Variants in AIDA observed in about 807,000 individuals in gnomAD.
AIDA encodes axin interactor, dorsalization-associated protein.
Under a neutral mutation model 42.7 loss-of-function variants are expected in AIDA, and 18 were observed. The observed-to-expected ratio is 0.42, with a 90% CI of 0.29 to 0.63. The LOEUF is 0.63. Among genes scored for constraint, AIDA ranks in the 20% least tolerant of loss-of-function variants. The probability of loss-of-function intolerance (pLI) is 0.19; values close to 1 mark genes in which losing one functional copy is unlikely to be tolerated. For missense variants in AIDA, 250 were observed against 354.1 expected (o/e 0.71, Z 2.36); for synonymous variants, 104 against 122.9 (o/e 0.85, Z 1.02).
intron 2 of AIDA, among the ~76,000 whole-genome samples, chr1:222,699,775 C>CTT (rs777454792): frequency 4.2e-5 from 6 of 143,420 alleles, no homozygotes; most frequent in Admixed American, 1.4e-4. Context: ...GAAAATTAAA[C>CTT]TTTTTTTTTT....
At chr1:222,676,034 C>A (rs1664537034) in intron 7 of AIDA, 62 bp downstream of exon 7, 1 of 1,499,720 alleles carries the variant, frequency 6.7e-7, no homozygotes, top group African/African-American at 1.4e-5. Flanking sequence ...TAAAACTGTC[C>A]CAAATGAGAA....
chr1:222,682,356 C>T (rs967257145), intron 6 of AIDA, among the ~76,000 whole-genome samples: 1 of 151,914 alleles, frequency 6.6e-6, no homozygotes, highest in African/African-American at 2.4e-5. Context: ...CTGAAAACAT[C>T]GTGATTTGAA....
intron 7 of AIDA, 88 bp from the exon 8 acceptor site, chr1:222,673,523 TC>T: frequency 8.6e-7 from 1 of 1,162,540 alleles, no homozygotes; most frequent in East Asian, 2.8e-5. Flanking sequence ...ACGCCTGTAA[TC>T]CTAGCACTTT....
chr1:222,684,922 A>C (rs1664715186), intron 6 of AIDA, among the ~76,000 whole-genome samples: 1 of 152,212 alleles, frequency 6.6e-6, no homozygotes, highest in Non-Finnish European at 1.5e-5. Context: ...AAATTTATAG[A>C]ACTGGAAGCT....
intron 1 of AIDA, 73 bp from the exon 2 acceptor site, chr1:222,703,290 C>T: frequency 8.7e-7 from 1 of 1,152,522 alleles, no homozygotes; most frequent in Non-Finnish European, 1.2e-6. Flanking sequence ...CAATTTAAAG[C>T]TTTTTAACAT....
chr1:222,711,915 C>T (rs923200971), intron 1 of AIDA: 5 of 359,138 alleles, frequency 1.4e-5, no homozygotes, highest in Non-Finnish European at 2.6e-5. Flanking sequence ...TGGAAAGGAA[C>T]TAAGCAGATA....
At chr1:222,694,733 A>G (rs987815713) in intron 2 of AIDA, among the ~76,000 whole-genome samples, 2 of 152,250 alleles carry the variant, frequency 1.3e-5, no homozygotes, top group Non-Finnish European at 2.9e-5. Flanking sequence ...GATAAACGGT[A>G]GTAAATTTTA....
chr1:222,669,834 T>C lies in AIDA; in HGVS notation c.*59A>G, dbSNP rs1664412838. ...GAAGGGTGAATATGCTACACAGAGC[T>C]ATGATGGTTTCTACTGAGTGGTAAA... On this transcript the variant is annotated 3_prime_UTR_variant, in exon 10 of 10. Coordinates refer to ENST00000340020, the MANE Select transcript of AIDA (RefSeq NM_022831.4). 8 of 1,509,402 alleles carry C rather than the reference T, an allele frequency of 5.3e-6. No homozygotes were observed. Among genetic ancestry groups the C allele is most frequent in the Non-Finnish European group, 7.3e-6 (8 of 1,100,382 alleles). The allele number at this position is 1,509,402 out of a possible 1,614,324, so 93.5% of individuals were successfully genotyped here. A position where few individuals can be genotyped will look rare whatever the true frequency, so the allele number is the denominator to read the frequency against.
chr1:222,671,678 C>T (rs920648418), intron 8 of AIDA, among the ~76,000 whole-genome samples: 2 of 152,194 alleles, frequency 1.3e-5, no homozygotes, highest in Non-Finnish European at 2.9e-5. Context: ...ACTCCCAACA[C>T]GCTCGAAAGG....
At chr1:222,710,413 C>A (rs1165498941) in intron 1 of AIDA, among the ~76,000 whole-genome samples, 4 of 152,216 alleles carry the variant, frequency 2.6e-5, no homozygotes, top group Non-Finnish European at 1.5e-5. Context: ...AAACAGCTTG[C>A]ATATTCAATT....
chr1:222,696,029 C>T (rs192052275), intron 2 of AIDA, among the ~76,000 whole-genome samples: 8 of 152,250 alleles, frequency 5.3e-5, no homozygotes, highest in Non-Finnish European at 8.8e-5. Flanking sequence ...GAGCAAGATA[C>T]GACTCGATGC....
At chr1:222,712,169 T>C in intron 1 of AIDA, 39 bp downstream of exon 1, 1 of 1,561,180 alleles carries the variant, frequency 6.4e-7, no homozygotes, top group African/African-American at 1.4e-5. Flanking sequence ...GGCGCACGAC[T>C]GGAGCCGGTC....
At chr1:222,705,099 G>A (rs908385321) in intron 1 of AIDA, among the ~76,000 whole-genome samples, 2 of 152,174 alleles carry the variant, frequency 1.3e-5, no homozygotes, top group East Asian at 1.9e-4. Context: ...CTTAACATAA[G>A]GCAATAATTA....
intron 2 of AIDA, among the ~76,000 whole-genome samples, chr1:222,694,911 G>A (rs916743961): frequency 2.6e-5 from 4 of 152,158 alleles, no homozygotes; most frequent in African/African-American, 9.7e-5. Context: ...AGCAAGGTAT[G>A]CCACTATATG....
Position 222,694,246 on chromosome 1 carries a change from A to T in AIDA, c.198T>A (p.Ile66=), listed in dbSNP as rs1655453924. 2 of 1,612,340 alleles carry T rather than the reference A, an allele frequency of 1.2e-6. No individual in the cohort carries two copies. The highest frequency in any genetic ancestry group is 1.7e-6 in the Non-Finnish European group (2 of 1,179,382). The change falls in exon 3 of 10, where the codon ATT becomes ATA. Residue 66 remains isoleucine, a synonymous_variant. Coordinates refer to ENST00000340020, the MANE Select transcript of AIDA (RefSeq NM_022831.4). ...TEEQKKTIGK[I]ATCLELRSAA... is the part of the protein sequence containing the mutation. The stretch of plus-strand genomic sequence containing the variant: ...CACTTCGCAATTCCAAGCATGTTGC[A>T]ATTTTGCCTATGGTTTTCTGCAGGG...
intron 7 of AIDA, among the ~76,000 whole-genome samples, chr1:222,675,003 C>A (rs987283567): frequency 6.6e-6 from 1 of 152,090 alleles, no homozygotes; most frequent in African/African-American, 2.4e-5. Context: ...ATATACTTTC[C>A]AGTAGGCCAT....
intron 2 of AIDA, among the ~76,000 whole-genome samples, chr1:222,695,095 T>C (rs986256591): frequency 2.6e-5 from 4 of 152,200 alleles, no homozygotes; most frequent in African/African-American, 9.7e-5. Flanking sequence ...AGGTGGACCT[T>C]CAATAACCAG....
chr1:222,690,842 C>G (rs534934631), intron 4 of AIDA, among the ~76,000 whole-genome samples: 1 of 152,232 alleles, frequency 6.6e-6, no homozygotes, highest in East Asian at 1.9e-4. Flanking sequence ...GATTCTCATT[C>G]ATTCTCTTTC....
intron 1 of AIDA, among the ~76,000 whole-genome samples, chr1:222,704,122 C>T (rs181003028): frequency 3.3e-5 from 5 of 152,122 alleles, no homozygotes; most frequent in African/African-American, 1.2e-4. Context: ...AGAATGAGTA[C>T]AATTTTTTAA....
Sources: gnomAD v4.1 joint callset for allele counts (sites outside exome capture counted in the v4.1 genomes callset) on GRCh38, gnomAD v4.1.1 for gene constraint, MANE v1.5 for transcripts, NCBI Gene and HGNC (gene_info 2026-07-23, HGNC 2026-07-21) for gene names.